Variants in KIAA1549L observed in about 807,000 individuals in gnomAD.
The protein encoded by KIAA1549L is KIAA1549 like.
Under a neutral mutation model 160.7 loss-of-function variants are expected in KIAA1549L, and 88 were observed. The ratio of observed to expected loss-of-function variants is 0.55; its 90% CI spans 0.46 to 0.65. KIAA1549L has a LOEUF of 0.65. Among genes scored for constraint, KIAA1549L ranks in the 30% least tolerant of loss-of-function variants. The pLI, the probability that KIAA1549L is intolerant of heterozygous loss-of-function variation, is 0.00. For missense variants in KIAA1549L, 2,258 were observed against 2,437.5 expected, an observed-to-expected ratio of 0.93 and a Z score of 1.55; for synonymous variants, 950 against 976.7, an observed-to-expected ratio of 0.97 and a Z score of 0.51.
rs1852714158 is a variant in KIAA1549L, at chr11:33,673,237, A to G, written c.*5083A>G. On this transcript the variant is annotated 3_prime_UTR_variant, in exon 21 of 21. Transcript: ENST00000658780. Reference sequence around the variant, plus strand: ...TGGCAGAATCTGTCTCCATTGGTCAAACCATACTTCAGTGAGAGCCATTAT... The same window carrying G: ...TGGCAGAATCTGTCTCCATTGGTCAGACCATACTTCAGTGAGAGCCATTAT... 1 of 152,378 alleles carries G rather than the reference A, an allele frequency of 6.6e-6. No individual in the cohort carries two copies. Among genetic ancestry groups the G allele is most frequent in the African/African-American group, 2.4e-5 (1 of 41,594 alleles). The allele number at this position is 152,378 out of a possible 1,614,324, so 9.4% of individuals were successfully genotyped here.
At chr11:33,416,974 G>A (rs995906743) in intron 1 of KIAA1549L, among the ~76,000 whole-genome samples, 1 of 152,176 alleles carries the variant, frequency 6.6e-6, no homozygotes, top group Non-Finnish European at 1.5e-5. Context: ...AGGGGTCACA[G>A]ACTCAAAGAG....
chr11:33,414,716 T>C (rs948318885), intron 1 of KIAA1549L, among the ~76,000 whole-genome samples: 4 of 152,148 alleles, frequency 2.6e-5, no homozygotes, highest in African/African-American at 7.2e-5. Context: ...AAAAGGGTAT[T>C]GTATTATTGT....
intron 1 of KIAA1549L, among the ~76,000 whole-genome samples, chr11:33,506,379 T>C (rs972862744): frequency 6.6e-6 from 1 of 152,218 alleles, no homozygotes; most frequent in Non-Finnish European, 1.5e-5. Flanking sequence ...TCTGATATTC[T>C]GTAGTACTGA....
intron 1 of KIAA1549L, among the ~76,000 whole-genome samples, chr11:33,438,995 C>T (rs1444952414): frequency 1.3e-5 from 2 of 152,082 alleles, no homozygotes; most frequent in Admixed American, 1.3e-4. Context: ...GGCACGATCT[C>T]AGCTCACTGC....
intron 11 of KIAA1549L, among the ~76,000 whole-genome samples, chr11:33,590,731 G>A (rs897348787): frequency 2.6e-5 from 4 of 152,212 alleles, no homozygotes; most frequent in African/African-American, 9.7e-5. Flanking sequence ...TAGAAGTAAA[G>A]CAGATAAGAT....
intron 11 of KIAA1549L, among the ~76,000 whole-genome samples, chr11:33,586,526 T>C (rs1590370680): frequency 1.3e-5 from 2 of 152,172 alleles, no homozygotes; most frequent in African/African-American, 4.8e-5. Context: ...TACAGCCATT[T>C]TTCTAGTTTT....
Position 33,468,319 on chromosome 11 carries a change from A to G in KIAA1549L, c.239-73483A>G, listed in dbSNP as rs182665466. ...GTTTCTCTGTAGCATTTGACGCTCC[A>G]GAGCAGCTCCAGTTATCTCTAAGGG... On this transcript the variant is annotated intron_variant, in intron 1 of 20. Coordinates refer to ENST00000658780, the MANE Select transcript of KIAA1549L (RefSeq NM_012194.3). Among the ~76,000 whole-genome samples the G allele has an allele frequency of 2.0e-5, 3 of 152,366 alleles. No homozygotes were observed. The East Asian group carries it at 5.8e-4, about 29-fold the overall frequency.
intron 1 of KIAA1549L, among the ~76,000 whole-genome samples, chr11:33,413,686 T>C (rs147693752): frequency 6.2e-4 from 94 of 152,304 alleles, no homozygotes; most frequent in African/African-American, 2.1e-3. Context: ...TAAATTATTA[T>C]TTGTTCTTAT....
At chr11:33,548,184 G>C (rs1042793389) in intron 4 of KIAA1549L, among the ~76,000 whole-genome samples, 2 of 152,122 alleles carry the variant, frequency 1.3e-5, no homozygotes, top group South Asian at 2.1e-4. Context: ...TGATCACTTG[G>C]GGTCAGGAGT....
At position 33,376,535 on chromosome 11, in the gene KIAA1549L, C is replaced by T. The variant is rs1253746710; in HGVS notation, c.-117C>T. 1 of 148,622 alleles carries T rather than the reference C, an allele frequency of 6.7e-6. No homozygotes were observed. The highest frequency in any genetic ancestry group is 2.1e-4 in the South Asian group (1 of 4,812). The allele number at this position is 148,622 out of a possible 1,614,324, so 9.2% of individuals were successfully genotyped here. ...AGCCAGTCGCGCCGCTCGGCGCCCC[C>T]TCCCTCCGGCGCCCGGGCCGTGGCC... is the stretch of plus-strand genomic sequence containing the variant. On this transcript the variant is annotated 5_prime_UTR_variant, in exon 1 of 21. Transcript: ENST00000658780. The surrounding 1 kb of genome is among the most constrained non-coding windows in gnomAD (Gnocchi z 5.8).
In KIAA1549L at chr11:33,568,153, C is replaced by G. The variant is rs1855114659; in HGVS notation, c.4156C>G (p.Gln1386Glu). 6.2e-7 allele frequency: 1 copy of G among 1,613,324 alleles called. No homozygotes were observed. The highest frequency in any genetic ancestry group is 1.3e-5 in the African/African-American group (1 of 74,890). Residue 1386 changes from glutamine to glutamate, a missense_variant, in exon 9 of 21, where the codon CAG becomes GAG. Physicochemically the swap from Gln to Glu is conservative, Grantham distance 29. Around this residue, in one of 6 missense-constraint regions of KIAA1549L, gnomAD observed 1,359 missense variants for 1,546.6 expected, o/e 0.88. Transcript: ENST00000658780. ...CCGGGTCATGGAGCAGCGCCTGGCCCAGCTATTCATGATGTCCCAGCAACA... is the reference window on the plus strand; with the variant it reads ...CCGGGTCATGGAGCAGCGCCTGGCCGAGCTATTCATGATGTCCCAGCAACA... ...FARVMEQRLA[Q>E]LFMMSQQQGR...
intron 11 of KIAA1549L, among the ~76,000 whole-genome samples, chr11:33,588,034 C>T (rs540340820): frequency 1.3e-5 from 2 of 152,358 alleles, no homozygotes; most frequent in East Asian, 3.9e-4. Flanking sequence ...GACTCCATCA[C>T]AGCTCTGTGA....
intron 1 of KIAA1549L, among the ~76,000 whole-genome samples, chr11:33,384,854 G>A (rs1850140814): frequency 6.6e-6 from 1 of 151,178 alleles, no homozygotes; most frequent in Non-Finnish European, 1.5e-5. Context: ...CTGGATACAA[G>A]TCTTTTTATC....
At chr11:33,527,701 TC>T (rs1853645624) in intron 1 of KIAA1549L, among the ~76,000 whole-genome samples, 1 of 151,942 alleles carries the variant, frequency 6.6e-6, no homozygotes, top group Admixed American at 6.6e-5. Context: ...AGGACTAATA[TC>T]CAGAATCTAC....
chr11:33,601,466 CAAAG>C (rs1056463921), intron 13 of KIAA1549L, among the ~76,000 whole-genome samples: 2 of 151,992 alleles, frequency 1.3e-5, no homozygotes, highest in South Asian at 2.1e-4. Flanking sequence ...GAAGATGAAC[CAAAG>C]GAAGGAAGGA....
chr11:33,611,381 A>G (rs903729824), intron 15 of KIAA1549L, among the ~76,000 whole-genome samples: 1 of 152,246 alleles, frequency 6.6e-6, no homozygotes, highest in African/African-American at 2.4e-5. Context: ...GGCTTGGATC[A>G]AAGCCACAGA....
chr11:33,628,279 G>A (rs1421851574), intron 16 of KIAA1549L, among the ~76,000 whole-genome samples: 2 of 152,082 alleles, frequency 1.3e-5, no homozygotes, highest in Non-Finnish European at 2.9e-5. Flanking sequence ...GGGGTGGAGA[G>A]TTCTGTAGAT....
At chr11:33,529,908 A>G (rs905763637) in intron 1 of KIAA1549L, among the ~76,000 whole-genome samples, 1 of 152,176 alleles carries the variant, frequency 6.6e-6, no homozygotes, top group African/African-American at 2.4e-5. Context: ...AGAGGTTTAC[A>G]TTTAGGCCTT....
At chr11:33,411,347 A>G (rs895968075) in intron 1 of KIAA1549L, among the ~76,000 whole-genome samples, 1 of 152,126 alleles carries the variant, frequency 6.6e-6, no homozygotes, top group African/African-American at 2.4e-5. Context: ...TTTAGAAATC[A>G]TGGCATCCTG....
Sources: allele counts gnomAD v4.1 joint callset (sites outside exome capture counted in the v4.1 genomes callset), GRCh38; gene constraint gnomAD v4.1.1; regional missense constraint gnomAD v4.1.1; non-coding constraint Gnocchi (gnomAD v3.1); transcripts MANE v1.5; gene names NCBI Gene and HGNC (gene_info 2026-07-23, HGNC 2026-07-21).